PHF24: variants seen among roughly 807,000 people sequenced by gnomAD.
PHF24 encodes Galpha inhibitory interacting protein.
In PHF24, 25 loss-of-function variants were observed where a neutral mutation model predicts 42.6. The ratio of observed to expected loss-of-function variants is 0.59; its 90% CI spans 0.43 to 0.82. PHF24 has a LOEUF of 0.82. Ranked by LOEUF, PHF24 falls within the 40% of genes least tolerant of loss-of-function variation. The probability of loss-of-function intolerance (pLI) is 0.00; values close to 1 mark genes in which losing one functional copy is unlikely to be tolerated. For synonymous variants in PHF24, 185 were observed against 204.8 expected (o/e 0.90, Z 0.83); for missense variants, 470 against 538.1 (o/e 0.87, Z 1.25).
chr9:34,950,351 CA>C, the PHF24 span, among the ~76,000 whole-genome samples: 409 of 68,264 alleles, frequency 6.0e-3, 3 homozygotes, highest in South Asian at 0.044. Context: ...GACTCTGTCT[CA>C]AAAAAAAAAA....
At chr9:34,783,255 A>T in the PHF24 span, among the ~76,000 whole-genome samples, 624 of 152,276 alleles carry the variant, frequency 4.1e-3, 1 homozygote, top group Non-Finnish European at 5.2e-3. Context: ...AGCAAGTTAC[A>T]CTGCGCCATC....
At chr9:34,890,851 C>T in the PHF24 span, among the ~76,000 whole-genome samples, 27 of 152,306 alleles carry the variant, frequency 1.8e-4, no homozygotes, top group African/African-American at 5.8e-4. Flanking sequence ...GCCTCTCTAG[C>T]GGTACCATCT....
chr9:34,918,420 A>AG, the PHF24 span: 1 of 537,064 alleles, frequency 1.9e-6, no homozygotes, highest in Non-Finnish European at 3.4e-6. Flanking sequence ...AAAAAAAAAA[A>AG]AAATCATGGG....
the PHF24 span, chr9:34,728,006 A>G: frequency 6.4e-7 from 1 of 1,551,042 alleles, no homozygotes; most frequent in African/African-American, 1.4e-5. Context: ...ATAGAGTGCA[A>G]AGAGCAATAG....
the PHF24 span, among the ~76,000 whole-genome samples, chr9:34,742,803 A>C: frequency 7.9e-5 from 12 of 152,162 alleles, no homozygotes; most frequent in Admixed American, 5.2e-4. Flanking sequence ...AAACACTTGC[A>C]TTTTAAAATA....
chr9:34,900,327 A>T, the PHF24 span, among the ~76,000 whole-genome samples: 1 of 152,222 alleles, frequency 6.6e-6, no homozygotes, highest in South Asian at 2.1e-4. Context: ...GGCCAAGCAC[A>T]GTGGCTCATG....
At chr9:34,933,489 C>T in the PHF24 span, among the ~76,000 whole-genome samples, 1 of 151,898 alleles carries the variant, frequency 6.6e-6, no homozygotes, top group African/African-American at 2.4e-5. Flanking sequence ...CTTTGGGAGG[C>T]CGAGGTGAGT....
the PHF24 span, among the ~76,000 whole-genome samples, chr9:34,900,802 T>C: frequency 6.6e-6 from 1 of 152,166 alleles, no homozygotes; most frequent in East Asian, 1.9e-4. Context: ...AAAAACGGTT[T>C]GCAGGAGTGG....
chr9:34,938,668 G>T, the PHF24 span, among the ~76,000 whole-genome samples: 1 of 151,970 alleles, frequency 6.6e-6, no homozygotes, highest in Non-Finnish European at 1.5e-5. Context: ...AGTGGCTCAC[G>T]CCTGTAATCC....
the PHF24 span, among the ~76,000 whole-genome samples, chr9:34,670,032 G>T: frequency 6.6e-6 from 1 of 152,050 alleles, no homozygotes; most frequent in Non-Finnish European, 1.5e-5. Flanking sequence ...AAAAACTCTG[G>T]ACACCAAAGC....
the PHF24 span, among the ~76,000 whole-genome samples, chr9:34,848,999 C>T: frequency 6.6e-6 from 1 of 152,214 alleles, no homozygotes; most frequent in East Asian, 1.9e-4. Flanking sequence ...TTTACATGTG[C>T]TGAGGAGAGC....
the PHF24 span, among the ~76,000 whole-genome samples, chr9:34,871,235 A>G: frequency 1.3e-5 from 2 of 152,218 alleles, no homozygotes; most frequent in African/African-American, 4.8e-5. Flanking sequence ...TGCCATCTGT[A>G]TACCTTCTTT....
chr9:34,805,089 T>C, the PHF24 span, among the ~76,000 whole-genome samples: 1 of 152,350 alleles, frequency 6.6e-6, no homozygotes, highest in Admixed American at 6.5e-5. Flanking sequence ...TATACCATAT[T>C]TTGTTTATCC....
the PHF24 span, among the ~76,000 whole-genome samples, chr9:34,890,289 C>A: frequency 6.6e-6 from 1 of 152,186 alleles, no homozygotes; most frequent in Non-Finnish European, 1.5e-5. Context: ...TCTGTGATTT[C>A]CAGCTGCTTT....
chr9:34,810,075 C>T, the PHF24 span, among the ~76,000 whole-genome samples: 1 of 151,884 alleles, frequency 6.6e-6, no homozygotes. Flanking sequence ...ATGCTGTCCG[C>T]CCTCAGCCCA....
the PHF24 span, among the ~76,000 whole-genome samples, chr9:34,825,247 T>C: frequency 6.6e-6 from 1 of 150,790 alleles, no homozygotes; most frequent in East Asian, 1.9e-4. Context: ...GCCCTCAGGG[T>C]GATGGGTGTA....
At chr9:34,963,707 T>C (rs1826674174) in intron 1 of PHF24, among the ~76,000 whole-genome samples, 1 of 152,188 alleles carries the variant, frequency 6.6e-6, no homozygotes, top group South Asian at 2.1e-4. Context: ...ACCGGCTAAA[T>C]TGCAGAATTT....
chr9:34,852,681 C>T, the PHF24 span, among the ~76,000 whole-genome samples: 1 of 152,194 alleles, frequency 6.6e-6, no homozygotes, highest in Admixed American at 6.5e-5. Context: ...TGCTTCCTTT[C>T]TCTTGCTGCT....
intron 2 of PHF24, 50 bp from the exon 3 acceptor site, chr9:34,972,296 T>C (rs1037055879): frequency 6.6e-6 from 10 of 1,524,174 alleles, no homozygotes; most frequent in Non-Finnish European, 8.9e-6. Flanking sequence ...CCTTGGAATC[T>C]TGCTGCCTAC....
Sources: allele counts gnomAD v4.1 joint callset (sites outside exome capture counted in the v4.1 genomes callset), GRCh38; gene constraint gnomAD v4.1.1; transcripts MANE v1.5; gene names NCBI Gene and HGNC (gene_info 2026-07-23, HGNC 2026-07-21).